CA10: variants seen among roughly 807,000 people sequenced by gnomAD.
CA10 encodes the protein carbonic anhydrase 10 (inactive), also known as carbonic anhydrase-related protein 10.
CA10 carries 14 observed loss-of-function variants against 44.2 expected under a neutral mutation model. The observed-to-expected ratio is 0.32, with a 90% CI of 0.21 to 0.50. CA10 has a LOEUF of 0.50. Ranked by LOEUF, CA10 falls within the 20% of genes least tolerant of loss-of-function variation. The pLI is 0.99. For missense variants in CA10, 350 were observed against 409.7 expected, an observed-to-expected ratio of 0.85 and a Z score of 1.26; for synonymous variants, 159 against 141.6, an observed-to-expected ratio of 1.12 and a Z score of -0.87.
chr17:51,859,075 T>C (rs1460171834), intron 3 of CA10, among the ~76,000 whole-genome samples: 1 of 152,170 alleles, frequency 6.6e-6, no homozygotes, highest in African/African-American at 2.4e-5. Flanking sequence ...AGTTAATAAT[T>C]AACATAAGCT....
At chr17:51,977,294 T>C (rs1598149234) in intron 2 of CA10, among the ~76,000 whole-genome samples, 1 of 151,736 alleles carries the variant, frequency 6.6e-6, no homozygotes, top group East Asian at 1.9e-4. Flanking sequence ...CTTAACAAAA[T>C]ATTAGTAAAC....
chr17:51,903,099 C>T (rs548752454), intron 3 of CA10, among the ~76,000 whole-genome samples: 6 of 152,180 alleles, frequency 3.9e-5, no homozygotes, highest in African/African-American at 1.4e-4. Flanking sequence ...TAGTGGGAAA[C>T]TTAAGATTGA....
At chr17:51,633,030 G>C (rs1379514178) in intron 8 of CA10, among the ~76,000 whole-genome samples, 1 of 152,260 alleles carries the variant, frequency 6.6e-6, no homozygotes, top group South Asian at 2.1e-4. Context: ...ATACTTAAAA[G>C]CTCTAATGCT....
At chr17:51,795,811 T>C (rs1451999198) in intron 3 of CA10, among the ~76,000 whole-genome samples, 1 of 152,216 alleles carries the variant, frequency 6.6e-6, no homozygotes, top group Admixed American at 6.5e-5. Flanking sequence ...ATCAGTGTCC[T>C]GGGCAGTTGT....
chr17:51,816,209 T>C (rs1382604122), intron 3 of CA10, among the ~76,000 whole-genome samples: 1 of 152,208 alleles, frequency 6.6e-6, no homozygotes, highest in Non-Finnish European at 1.5e-5. Flanking sequence ...CACATAATGA[T>C]CTTCCATTCC....
chr17:51,633,033 C>G (rs1446614400), intron 8 of CA10, among the ~76,000 whole-genome samples: 2 of 152,158 alleles, frequency 1.3e-5, no homozygotes, highest in Non-Finnish European at 2.9e-5. Flanking sequence ...CTTAAAAGCT[C>G]TAATGCTTTT....
intron 4 of CA10, among the ~76,000 whole-genome samples, chr17:51,716,803 A>G (rs1916127536): frequency 6.6e-6 from 1 of 152,218 alleles, no homozygotes; most frequent in Non-Finnish European, 1.5e-5. Context: ...AAGACCTATT[A>G]CTGAACAATG....
intron 6 of CA10, among the ~76,000 whole-genome samples, chr17:51,641,131 T>C (rs959274887): frequency 1.1e-5 from 1 of 92,522 alleles, no homozygotes; most frequent in African/African-American, 3.5e-5. Context: ...TATCCCCTCT[T>C]TCTCTCTCTC....
chr17:51,854,654 C>T (rs9902460), intron 3 of CA10, among the ~76,000 whole-genome samples: 9,542 of 152,104 alleles, frequency 0.063, 643 homozygotes, highest in African/African-American at 0.17. Flanking sequence ...GGCATCAAGT[C>T]TTGGTTCCCC....
intron 2 of CA10, among the ~76,000 whole-genome samples, chr17:51,987,599 AC>A (rs1382898033): frequency 2.6e-5 from 4 of 152,082 alleles, no homozygotes; most frequent in African/African-American, 9.7e-5. Context: ...AATCCATTCA[AC>A]AAATATTTAT....
chr17:51,832,301 G>A (rs1908313075), intron 3 of CA10, among the ~76,000 whole-genome samples: 1 of 152,184 alleles, frequency 6.6e-6, no homozygotes, highest in Admixed American at 6.5e-5. Flanking sequence ...GGACTAGTGT[G>A]GAGTATTCTG....
At chr17:52,034,917 G>A (rs1280900717) in intron 2 of CA10, among the ~76,000 whole-genome samples, 1 of 152,080 alleles carries the variant, frequency 6.6e-6, no homozygotes, top group East Asian at 1.9e-4. Context: ...TAAGGTTAGG[G>A]GAGTAGAATT....
chr17:52,139,254 C>A (rs1159476376), intron 1 of CA10, among the ~76,000 whole-genome samples: 1 of 152,132 alleles, frequency 6.6e-6, no homozygotes, highest in Non-Finnish European at 1.5e-5. Context: ...CATGGATGCA[C>A]CCCTCAGTGA....
At chr17:51,984,832 A>G (rs1055477786) in intron 2 of CA10, among the ~76,000 whole-genome samples, 2 of 151,994 alleles carry the variant, frequency 1.3e-5, no homozygotes, top group African/African-American at 4.8e-5. Context: ...TACCCTGAAC[A>G]GACTAATAAC....
chr17:51,840,503 A>G (rs1418017156), intron 3 of CA10, among the ~76,000 whole-genome samples: 1 of 151,702 alleles, frequency 6.6e-6, no homozygotes, highest in Non-Finnish European at 1.5e-5. Flanking sequence ...ACACACACAC[A>G]CACACACACA....
intron 1 of CA10, among the ~76,000 whole-genome samples, chr17:52,156,769 CT>C: frequency 6.6e-6 from 1 of 152,324 alleles, no homozygotes; most frequent in African/African-American, 2.4e-5. Flanking sequence ...GAAGGGAGCA[CT>C]ACAAATGGGC....
At chr17:51,835,087 GC>G (rs1287406230) in intron 3 of CA10, among the ~76,000 whole-genome samples, 5 of 152,284 alleles carry the variant, frequency 3.3e-5, no homozygotes, top group African/African-American at 4.8e-5. Context: ...CTGACCTTGT[GC>G]CCCGGCTGCT....
intron 3 of CA10, among the ~76,000 whole-genome samples, chr17:51,889,472 C>T (rs1980760694): frequency 6.6e-6 from 1 of 152,146 alleles, no homozygotes; most frequent in Admixed American, 6.6e-5. Context: ...TGCAGTGAAC[C>T]ATGATTGCGC....
intron 6 of CA10, 80 bp downstream of exon 6, chr17:51,649,102 C>T: frequency 1.1e-6 from 1 of 936,634 alleles, no homozygotes; most frequent in Non-Finnish European, 1.7e-6. Context: ...CCATGGAGAT[C>T]ATCAGTTCTG....
Sources: gnomAD v4.1 joint callset for allele counts (sites outside exome capture counted in the v4.1 genomes callset) on GRCh38, gnomAD v4.1.1 for gene constraint, MANE v1.5 for transcripts, NCBI Gene and HGNC (gene_info 2026-07-23, HGNC 2026-07-21) for gene names.